TBL1X: variants seen among roughly 807,000 people sequenced by gnomAD.
The protein encoded by TBL1X is transducin beta like 1 X-linked.
A neutral mutation model predicts 50.7 loss-of-function variants in TBL1X; 10 were observed. The ratio of observed to expected loss-of-function variants is 0.20; its 90% CI spans 0.12 to 0.33. The LOEUF (loss-of-function observed/expected upper bound fraction) is 0.33, where lower values mean the gene tolerates loss of function less well. Among genes scored for constraint, TBL1X ranks in the 10% least tolerant of loss-of-function variants. The pLI is 1.00. For synonymous variants in TBL1X, 190 were observed against 214.7 expected (o/e 0.88, Z 1.01); for missense variants, 340 against 504.4 (o/e 0.67, Z 3.12).
chrX:9,630,418 C>G lies in TBL1X; in HGVS notation c.-130-9855C>G, dbSNP rs187568249. Among the ~76,000 whole-genome samples the G allele has an allele frequency of 2.7e-3, 301 of 111,238 alleles. 1 individual carries two copies. The highest frequency in any genetic ancestry group is 4.7e-3 in the Non-Finnish European group (249 of 53,011). ...TTGGTTCCAGGACCCCTGTATATAC[C>G]AAAATCCAGGGAGGCGCAAGTCTCT... On this transcript the variant is annotated intron_variant, in intron 2 of 17. Coordinates refer to ENST00000645353, the MANE Select transcript of TBL1X (RefSeq NM_005647.4).
chrX:9,656,987 T>TA (rs768843515), intron 5 of TBL1X, among the ~76,000 whole-genome samples: 4 of 111,934 alleles, frequency 3.6e-5, no homozygotes, highest in Non-Finnish European at 7.5e-5. Flanking sequence ...CCTGTACTCT[T>TA]ACTCCTGCAC....
chrX:9,613,050 AAG>A (rs1272815551), intron 2 of TBL1X, among the ~76,000 whole-genome samples: 1 of 111,425 alleles, frequency 9.0e-6, no homozygotes, highest in Non-Finnish European at 1.9e-5. Context: ...AAAAAAAAAA[AAG>A]AAAATCAAGT....
chrX:9,489,658 A>G (rs970927596), intron 1 of TBL1X, among the ~76,000 whole-genome samples: 1 of 111,570 alleles, frequency 9.0e-6, no homozygotes, highest in African/African-American at 3.3e-5. Context: ...ATGCAGGCAC[A>G]TTTAAAGTCT....
At chrX:9,648,624 C>T (rs1166842236) in intron 3 of TBL1X, among the ~76,000 whole-genome samples, 1 of 112,355 alleles carries the variant, frequency 8.9e-6, no homozygotes, top group East Asian at 2.8e-4. Context: ...AAACATCCCC[C>T]TCCTCTTCTG....
intron 3 of TBL1X, among the ~76,000 whole-genome samples, chrX:9,648,334 A>G (rs1267810589): frequency 8.9e-6 from 1 of 112,497 alleles, no homozygotes; most frequent in Non-Finnish European, 1.9e-5. Flanking sequence ...TTATTTGTCC[A>G]CAAAAATAGT....
At chrX:9,493,050 A>C (rs1006988994) in intron 1 of TBL1X, among the ~76,000 whole-genome samples, 2 of 110,741 alleles carry the variant, frequency 1.8e-5, no homozygotes, top group Non-Finnish European at 3.8e-5. Context: ...TGATAGAGAG[A>C]TATTCCGCTG....
At chrX:9,501,333 A>G (rs1053894831) in intron 1 of TBL1X, among the ~76,000 whole-genome samples, 2 of 111,983 alleles carry the variant, frequency 1.8e-5, no homozygotes, top group African/African-American at 6.5e-5. Flanking sequence ...AGTGTGCAAA[A>G]CATACTATTG....
intron 2 of TBL1X, among the ~76,000 whole-genome samples, chrX:9,515,110 A>C (rs906161338): frequency 8.9e-6 from 1 of 111,757 alleles, no homozygotes; most frequent in Admixed American, 9.5e-5. Flanking sequence ...CTCCAGGCAG[A>C]CTGATGGAGG....
intron 1 of TBL1X, among the ~76,000 whole-genome samples, chrX:9,472,109 A>G (rs1248488149): frequency 1.8e-5 from 2 of 111,645 alleles, no homozygotes; most frequent in South Asian, 3.7e-4. Context: ...ACTCTTTCCA[A>G]TTAGGGACCT....
At chrX:9,572,446 C>T (rs2082390919) in intron 2 of TBL1X, among the ~76,000 whole-genome samples, 1 of 112,770 alleles carries the variant, frequency 8.9e-6, no homozygotes, top group Non-Finnish European at 1.9e-5. Context: ...ACTTTCAATC[C>T]GTGTGTATAA....
chrX:9,542,272 G>A (rs781123385), intron 2 of TBL1X, among the ~76,000 whole-genome samples: 3 of 111,151 alleles, frequency 2.7e-5, no homozygotes, highest in South Asian at 3.8e-4. Flanking sequence ...CCCTCAGGCC[G>A]CCCCTATCAT....
intron 17 of TBL1X, 40 bp from the exon 18 acceptor site, chrX:9,716,180 T>C (rs1353141944): frequency 1.7e-6 from 2 of 1,202,983 alleles, no homozygotes; most frequent in Non-Finnish European, 1.1e-6. Flanking sequence ...CATCTTTGTA[T>C]TGTCTCTCAA....
chrX:9,497,081 G>A (rs1463127039), intron 1 of TBL1X, among the ~76,000 whole-genome samples: 1 of 111,295 alleles, frequency 9.0e-6, no homozygotes, highest in Admixed American at 9.6e-5. Flanking sequence ...GCTCCACTTG[G>A]TCTTAAAACC....
chrX:9,598,846 C>T lies in TBL1X; in HGVS notation c.-130-41427C>T, dbSNP rs528327485. Among the ~76,000 whole-genome samples the T allele has an allele frequency of 2.7e-5, 3 of 111,295 alleles. No homozygotes were observed. In the South Asian group the frequency reaches 1.1e-3, roughly 42 times the overall value. Reference sequence around the variant, plus strand: ...GTCCCTTGGCTTGTAGCTACATCACCCAGATCTCTGCCTTCATTTGCACAT... The same window carrying T: ...GTCCCTTGGCTTGTAGCTACATCACTCAGATCTCTGCCTTCATTTGCACAT... On this transcript the variant is annotated intron_variant, in intron 2 of 17. Transcript: ENST00000645353.
At position 9,546,531 on chromosome X, in the gene TBL1X, A is replaced by C. The variant is rs543187059; in HGVS notation, c.-131+44682A>C. On this transcript the variant is annotated intron_variant, in intron 2 of 17. Transcript: ENST00000645353. ...TCCGTCTCAGAAAAAACAAACAAAC[A>C]AAAAAACCCCCAAAAAACTCCACCA... Among the ~76,000 whole-genome samples, 3 of 110,647 alleles carry C rather than the reference A, an allele frequency of 2.7e-5. No individual in the cohort carries two copies. The South Asian group carries it at 1.2e-3, about 43-fold the overall frequency.
At chrX:9,565,639 GGCAGCATAGCGTGA>G (rs1376641770) in intron 2 of TBL1X, among the ~76,000 whole-genome samples, 1 of 110,808 alleles carries the variant, frequency 9.0e-6, no homozygotes, top group Non-Finnish European at 1.9e-5. Flanking sequence ...GACCAGCCTG[GGCAGCATAGCGTGA>G]CCCTTTCTCT....
At chrX:9,671,191 C>T (rs984027301) in intron 5 of TBL1X, among the ~76,000 whole-genome samples, 4 of 112,244 alleles carry the variant, frequency 3.6e-5, no homozygotes, top group African/African-American at 9.7e-5. Context: ...TGAAATAATA[C>T]AGATGAAAAT....
At chrX:9,684,483 A>G (rs1038839518) in intron 6 of TBL1X, among the ~76,000 whole-genome samples, 1 of 106,895 alleles carries the variant, frequency 9.4e-6, no homozygotes, top group African/African-American at 3.4e-5. Flanking sequence ...AGCTCTCGGG[A>G]GGCTGAGGTG....
intron 3 of TBL1X, among the ~76,000 whole-genome samples, chrX:9,646,027 G>A (rs1414802045): frequency 3.6e-5 from 4 of 112,486 alleles, no homozygotes; most frequent in Non-Finnish European, 7.5e-5. Flanking sequence ...TCTTCCCTAA[G>A]CCTTTATTTG....
Sources: gnomAD v4.1 joint callset for allele counts (sites outside exome capture counted in the v4.1 genomes callset) on GRCh38, gnomAD v4.1.1 for gene constraint, MANE v1.5 for transcripts, NCBI Gene and HGNC (gene_info 2026-07-23, HGNC 2026-07-21) for gene names.